TRIM60: variants seen among roughly 807,000 people sequenced by gnomAD.
The protein encoded by TRIM60 is tripartite motif containing 60, also known as tripartite motif-containing protein 60.
For synonymous variants in TRIM60, 189 were observed against 195.2 expected (o/e 0.97, Z 0.27); for missense variants, 524 against 540.8 (o/e 0.97, Z 0.31).
In TRIM60 at chr4:165,040,564, G is replaced by T. The variant is rs779737750; in HGVS notation, c.492G>T (p.Leu164=). The T allele has an allele frequency of 1.9e-6, 3 of 1,614,106 alleles. No homozygotes were observed. Among genetic ancestry groups the T allele is most frequent in the Non-Finnish European group, 2.5e-6 (3 of 1,180,034 alleles). Residue 164 remains leucine (L), a synonymous_variant, in exon 3 of 3, where the codon CTG becomes CTT. Transcript: ENST00000512596. ...NIERVEKVII[L]QGSKSVELKK... is the part of the protein sequence containing the mutation. Reference sequence around the variant, plus strand: ...AACGAGTTGAAAAAGTGATAATTCTGCAAGGCAGCAAATCAGTGGAGCTGA... The same window carrying T: ...AACGAGTTGAAAAAGTGATAATTCTTCAAGGCAGCAAATCAGTGGAGCTGA...
Position 165,040,472 on chromosome 4 carries a change from AAG to A in TRIM60, c.402_403del (p.Lys135SerfsTer12). 1 of 1,614,208 alleles carries A rather than the reference AAG, an allele frequency of 6.2e-7. No individual in the cohort carries two copies. The highest frequency in any genetic ancestry group is 8.5e-7 in the Non-Finnish European group (1 of 1,180,042). On this transcript the variant is annotated frameshift_variant, in exon 3 of 3. Transcript: ENST00000512596. LOFTEE classifies it low-confidence loss of function (END_TRUNC). ...KHQKHYICPI[K>X]KAASYHREIL... Reference sequence around the variant, plus strand: ...CCAGAAGCACTACATTTGCCCTATTAAGAAAGCTGCCTCTTATCACAGAGAAA... The same window carrying A: ...CCAGAAGCACTACATTTGCCCTATTAAAAGCTGCCTCTTATCACAGAGAAA...
At chr4:165,034,342 C>T (rs750537930) in intron 1 of TRIM60, among the ~76,000 whole-genome samples, 18 of 152,012 alleles carry the variant, frequency 1.2e-4, no homozygotes, top group Non-Finnish European at 2.5e-4. Context: ...TTAGTAGAGA[C>T]GGGGTTTCAC....
chr4:165,033,035 A>C (rs1404575513), intron 1 of TRIM60, among the ~76,000 whole-genome samples: 1 of 151,982 alleles, frequency 6.6e-6, no homozygotes. Flanking sequence ...ACAAAAAAAA[A>C]AAAAAAAATC....
intron 1 of TRIM60, among the ~76,000 whole-genome samples, chr4:165,033,007 A>T (rs1365419779): frequency 1.3e-5 from 2 of 149,104 alleles, no homozygotes; most frequent in Non-Finnish European, 3.0e-5. Flanking sequence ...TGGGCAACAT[A>T]GTGAGACCCC....
chr4:165,038,909 G>A (rs928135047), intron 1 of TRIM60, among the ~76,000 whole-genome samples: 2 of 151,804 alleles, frequency 1.3e-5, no homozygotes, highest in Non-Finnish European at 2.9e-5. Flanking sequence ...CCAAAACTAT[G>A]AAAATTAGCC....
intron 1 of TRIM60, among the ~76,000 whole-genome samples, chr4:165,036,363 C>A (rs1733622860): frequency 6.6e-6 from 1 of 152,132 alleles, no homozygotes; most frequent in South Asian, 2.1e-4. Flanking sequence ...TCATTAGAGA[C>A]CGCTACCTAA....
intron 1 of TRIM60, among the ~76,000 whole-genome samples, chr4:165,038,056 G>C (rs554366374): frequency 1.3e-5 from 2 of 152,272 alleles, no homozygotes; most frequent in Admixed American, 6.5e-5. Context: ...ATGGGATAGT[G>C]AGAGACTAGA....
chr4:165,035,161 C>T (rs1733592730), intron 1 of TRIM60, among the ~76,000 whole-genome samples: 1 of 152,114 alleles, frequency 6.6e-6, no homozygotes, highest in South Asian at 2.1e-4. Context: ...AACTCCTGGG[C>T]TCAAGGAATC....
intron 1 of TRIM60, among the ~76,000 whole-genome samples, chr4:165,036,346 A>G (rs1331160581): frequency 6.6e-6 from 1 of 152,156 alleles, no homozygotes; most frequent in African/African-American, 2.4e-5. Flanking sequence ...GGAGTGAAAC[A>G]CCCATCTCAT....
intron 2 of TRIM60, among the ~76,000 whole-genome samples, chr4:165,039,806 A>G (rs1309977743): frequency 1.4e-5 from 1 of 70,282 alleles, no homozygotes; most frequent in Non-Finnish European, 2.5e-5. Flanking sequence ...CTCCGTCTCA[A>G]AAAAAAAAAA....
At chr4:165,040,035 G>C in intron 2 of TRIM60, 34 bp from the exon 3 acceptor site, 1 of 1,570,740 alleles carries the variant, frequency 6.4e-7, no homozygotes, top group South Asian at 1.2e-5. Flanking sequence ...ACTGATCAAA[G>C]GGAGGTTACC....
Position 165,041,549 on chromosome 4 carries a change from C to A in TRIM60, c.*61C>A. ...GTAACTTAGCCAGTAAATTTAATCT[C>A]ATTTCTGGACTCTTTAAGTTTTACC... On this transcript the variant is annotated 3_prime_UTR_variant, in exon 3 of 3. Transcript: ENST00000512596. 2 of 1,211,156 alleles carry A rather than the reference C, an allele frequency of 1.7e-6. No homozygotes were observed. Among genetic ancestry groups the A allele is most frequent in the Non-Finnish European group, 2.3e-6 (2 of 884,952 alleles). The allele number at this position is 1,211,156 out of a possible 1,614,324, so 75.0% of individuals were successfully genotyped here.
chr4:165,041,447 G>A lies in TRIM60; in HGVS notation c.1375G>A (p.Glu459Lys), dbSNP rs777713015. Residue 459 changes from glutamate (E) to lysine (K), a missense_variant, in exon 3 of 3, where the codon GAA (glutamate) becomes AAA (lysine). Glu to Lys is a moderately conservative substitution (Grantham distance 56, BLOSUM62 1). Transcript: ENST00000512596. Reference protein sequence around the residue: ...WPYFYTGTDSEPLKICSVSDS... With the variant: ...WPYFYTGTDSKPLKICSVSDS... Reference sequence around the variant, plus strand: ...TTATTTCTATACTGGAACAGATTCCGAACCTCTTAAAATCTGCTCAGTATC... The same window carrying A: ...TTATTTCTATACTGGAACAGATTCCAAACCTCTTAAAATCTGCTCAGTATC... 31 of 1,593,806 alleles carry A rather than the reference G, an allele frequency of 1.9e-5. No individual in the cohort carries two copies. The highest frequency in any genetic ancestry group is 3.4e-5 in the South Asian group (3 of 87,606).
chr4:165,040,182 G>A lies in TRIM60; in HGVS notation c.110G>A (p.Arg37His), dbSNP rs762704763. The change falls in exon 3 of 3, where the codon CGC (arginine) becomes CAC (histidine). Residue 37 changes from arginine (R) to histidine (H), a missense_variant. Transcript: ENST00000512596. ...VTINCGHNFCRSCLSVSWKDL... is the reference protein window; with the variant it reads ...VTINCGHNFCHSCLSVSWKDL... ...ATCAACTGTGGGCACAACTTCTGTCGCTCCTGCCTCAGTGTATCCTGGAAG... is the reference window on the plus strand; with the variant it reads ...ATCAACTGTGGGCACAACTTCTGTCACTCCTGCCTCAGTGTATCCTGGAAG... 1 of 1,614,096 alleles carries A rather than the reference G, an allele frequency of 6.2e-7. No homozygotes were observed.
chr4:165,034,835 A>G (rs1579178517), intron 1 of TRIM60, among the ~76,000 whole-genome samples: 1 of 152,304 alleles, frequency 6.6e-6, no homozygotes, highest in South Asian at 2.1e-4. Flanking sequence ...ACCTTTTCTA[A>G]TTAGGAGCAG....
chr4:165,036,517 T>C lies in TRIM60; in HGVS notation c.-56-2684T>C, dbSNP rs1192048516. Among the ~76,000 whole-genome samples, 20 of 152,190 alleles carry C rather than the reference T, an allele frequency of 1.3e-4. 1 individual carries two copies. The highest frequency in any genetic ancestry group is 4.4e-5 in the Non-Finnish European group (3 of 68,034). On this transcript the variant is annotated intron_variant, in intron 1 of 2. Transcript: ENST00000512596. The stretch of plus-strand genomic sequence containing the variant: ...TCCAGGTGGGTTAAACAGAACACTA[T>C]ATGAAGCACTTTCATAAAGGTTTTC...
At chr4:165,039,564 C>T (rs1733699866) in intron 2 of TRIM60, 1 of 147,198 alleles carries the variant, frequency 6.8e-6, no homozygotes, top group Non-Finnish European at 1.5e-5. Flanking sequence ...TTTGGGAGGC[C>T]GAGGCGGGTG....
At chr4:165,034,858 T>C (rs1733586837) in intron 1 of TRIM60, among the ~76,000 whole-genome samples, 1 of 152,228 alleles carries the variant, frequency 6.6e-6, no homozygotes, top group Admixed American at 6.5e-5. Context: ...AGAGATATAG[T>C]AGCTTTTAGA....
At chr4:165,039,357 G>C (rs571219963) in intron 2 of TRIM60, 105 bp downstream of exon 2, 122 of 152,256 alleles carry the variant, frequency 8.0e-4, no homozygotes, top group African/African-American at 2.7e-3. Context: ...TTTACAGTTA[G>C]TGATGATTCT....
Sources: allele counts gnomAD v4.1 joint callset (sites outside exome capture counted in the v4.1 genomes callset), GRCh38; gene constraint gnomAD v4.1.1; transcripts MANE v1.5; gene names NCBI Gene and HGNC (gene_info 2026-07-23, HGNC 2026-07-21).